The following TDRD1 variants were observed in gnomAD, a reference collection of about 807,000 sequenced individuals.
TDRD1 encodes tudor domain containing 1.
TDRD1 carries 37 observed loss-of-function variants against 140.6 expected under a neutral mutation model. The ratio of observed to expected loss-of-function variants is 0.26; its 90% CI spans 0.20 to 0.35. The LOEUF (loss-of-function observed/expected upper bound fraction) is 0.35. Ranked by LOEUF, TDRD1 falls within the 10% of genes least tolerant of loss-of-function variation. The probability of loss-of-function intolerance (pLI) is 1.00; values close to 1 mark genes in which losing one functional copy is unlikely to be tolerated. For synonymous variants in TDRD1, 506 were observed against 475.7 expected (o/e 1.06, Z -0.83); for missense variants, 1,243 against 1,393.0 (o/e 0.89, Z 1.71).
exon 12 of TDRD1, chr10:114,210,639 T>A: frequency 6.2e-7 from 1 of 1,611,258 alleles, no homozygotes; most frequent in East Asian, 2.2e-5. Context: ...TAGACAAAAG[T>A]GACCTAATCC....
At chr10:114,197,221 T>G (rs1398624304) in intron 3 of TDRD1, among the ~76,000 whole-genome samples, 5 of 152,126 alleles carry the variant, frequency 3.3e-5, no homozygotes. Context: ...CTAGATCTTT[T>G]GTTGTAGTCC....
At chr10:114,221,326 C>A in intron 19 of TDRD1, 31 bp from the exon 20 acceptor site, 2 of 1,594,458 alleles carry the variant, frequency 1.3e-6, no homozygotes, top group South Asian at 2.3e-5. Flanking sequence ...TTTTTTATTC[C>A]GTGTGAGACC....
intron 3 of TDRD1, 79 bp from the exon 4 acceptor site, chr10:114,199,094 C>G (rs1219697712): frequency 6.8e-7 from 1 of 1,461,460 alleles, no homozygotes; most frequent in African/African-American, 1.4e-5. Context: ...TTGATCTTAT[C>G]TGAAGTAGTC....
At chr10:114,207,195 A>G (rs964162325) in intron 11 of TDRD1, among the ~76,000 whole-genome samples, 3 of 152,210 alleles carry the variant, frequency 2.0e-5, no homozygotes, top group Non-Finnish European at 2.9e-5. Context: ...TTAGGAGTAG[A>G]TATAATTCAT....
intron 25 of TDRD1, among the ~76,000 whole-genome samples, chr10:114,229,625 T>C (rs1193464026): frequency 6.8e-6 from 1 of 147,330 alleles, no homozygotes; most frequent in Non-Finnish European, 1.5e-5. Flanking sequence ...CTCGGCTCAC[T>C]GCAAGCTCCA....
chr10:114,226,256 A>T (rs79698220), intron 22 of TDRD1, 40 bp downstream of exon 22: 4 of 1,382,912 alleles, frequency 2.9e-6, no homozygotes, highest in South Asian at 1.4e-5. Context: ...GTTTCTGGGT[A>T]TTTTTTTTTT....
chr10:114,195,909 C>G (rs987546671), intron 3 of TDRD1, among the ~76,000 whole-genome samples: 1 of 151,804 alleles, frequency 6.6e-6, no homozygotes, highest in African/African-American at 2.4e-5. Context: ...CTTTGTATAC[C>G]TTTTCCAGTG....
At chr10:114,213,022 C>T (rs1407511732) in intron 14 of TDRD1, among the ~76,000 whole-genome samples, 6 of 152,098 alleles carry the variant, frequency 3.9e-5, no homozygotes, top group Admixed American at 6.5e-5. Flanking sequence ...AATGGAATTA[C>T]GTGGTTTTTG....
At chr10:114,187,239 T>G (rs1200776386) in intron 1 of TDRD1, among the ~76,000 whole-genome samples, 1 of 152,172 alleles carries the variant, frequency 6.6e-6, no homozygotes. Flanking sequence ...TTGTGGAAGT[T>G]CAGCTGGAGA....
At chr10:114,185,627 G>A (rs2033456099) in intron 1 of TDRD1, among the ~76,000 whole-genome samples, 1 of 151,634 alleles carries the variant, frequency 6.6e-6, no homozygotes, top group South Asian at 2.1e-4. Context: ...TGCTCTTGTT[G>A]CCCAGGCTGG....
At chr10:114,200,028 T>A (rs939014637) in intron 4 of TDRD1, among the ~76,000 whole-genome samples, 2 of 152,238 alleles carry the variant, frequency 1.3e-5, no homozygotes, top group African/African-American at 4.8e-5. Context: ...AAGAAGCTAC[T>A]AAACCATTTT....
chr10:114,226,041 G>A lies in TDRD1; in HGVS notation c.3008-8G>A, dbSNP rs1207335954. On this transcript the variant is annotated splice_region_variant and splice_polypyrimidine_tract_variant and intron_variant, in intron 21 of 25. Transcript: ENST00000251864. ...AAGTTCTTACCTGAGATTTCATTCT[G>A]TTTTCAGGTGATGATTTTTGGTATC... is the stretch of plus-strand genomic sequence containing the variant. 3 of 1,612,570 alleles carry A rather than the reference G, an allele frequency of 1.9e-6. No homozygotes were observed. Among genetic ancestry groups the A allele is most frequent in the Non-Finnish European group, 8.5e-7 (1 of 1,178,610 alleles).
chr10:114,192,292 C>CTTTTTTTTTTTTTTTTTTTTTTTTTTT lies in TDRD1; in HGVS notation c.384+1276_384+1302dup, dbSNP rs938140798. On this transcript the variant is annotated intron_variant, in intron 3 of 25. Coordinates refer to ENST00000251864, the Ensembl canonical transcript of TDRD1. Reference sequence around the variant, plus strand: ...TCCCCAAAAAAGTTTGATAGTTTTCCTTTTTTTTTTTTTTTTTTTTTTTTT... The same window carrying CTTTTTTTTTTTTTTTTTTTTTTTTTTT: ...TCCCCAAAAAAGTTTGATAGTTTTCCTTTTTTTTTTTTTTTTTTTTTTTTTTTTTTTTTTTTTTTTTTTTTTTTTTTT... Among the ~76,000 whole-genome samples, 4 of 75,112 alleles carry CTTTTTTTTTTTTTTTTTTTTTTTTTTT rather than the reference C, an allele frequency of 5.3e-5. 1 individual carries two copies. Among genetic ancestry groups the CTTTTTTTTTTTTTTTTTTTTTTTTTTT allele is most frequent in the Non-Finnish European group, 7.6e-5 (3 of 39,246 alleles). 49.3% of individuals were successfully genotyped at this position (75,112 alleles called of 152,430 possible).
chr10:114,210,024 C>G (rs1369475572), intron 11 of TDRD1, among the ~76,000 whole-genome samples: 1 of 152,154 alleles, frequency 6.6e-6, no homozygotes, highest in African/African-American at 2.4e-5. Flanking sequence ...TTCTGAGATA[C>G]TTTTCACTGT....
At chr10:114,199,725 T>C (rs1039532241) in intron 4 of TDRD1, among the ~76,000 whole-genome samples, 1 of 152,252 alleles carries the variant, frequency 6.6e-6, no homozygotes, top group Non-Finnish European at 1.5e-5. Flanking sequence ...GCGTGGACTC[T>C]TTTGTATCAA....
At chr10:114,190,924 T>C (rs113966049) in intron 2 of TDRD1, 37 bp from the exon 3 acceptor site, 3 of 1,596,918 alleles carry the variant, frequency 1.9e-6, no homozygotes, top group South Asian at 1.1e-5. Context: ...AAAAGTATTA[T>C]TTGGCTTTTA....
chr10:114,219,375 A>G (rs558916777), intron 18 of TDRD1, among the ~76,000 whole-genome samples: 14 of 152,262 alleles, frequency 9.2e-5, no homozygotes, highest in South Asian at 8.3e-4. Flanking sequence ...CATTATACCT[A>G]TAGTAGCGGT....
chr10:114,179,621 G>A (rs574949387), intron 1 of TDRD1: 1 of 152,200 alleles, frequency 6.6e-6, no homozygotes, highest in Non-Finnish European at 1.5e-5. Flanking sequence ...TTTGGAAATA[G>A]CGCTTCCAGG....
exon 26 of TDRD1, chr10:114,231,864 C>T (rs2036774709): frequency 4.5e-6 from 1 of 221,698 alleles, no homozygotes; most frequent in African/African-American, 2.3e-5. Flanking sequence ...GGGAGGATCC[C>T]TTGAGGCCAG....
Sources: allele counts gnomAD v4.1 joint callset (sites outside exome capture counted in the v4.1 genomes callset), GRCh38; gene constraint gnomAD v4.1.1; transcripts MANE v1.5; gene names NCBI Gene and HGNC (gene_info 2026-07-23, HGNC 2026-07-21).